CDC20: variants seen among roughly 807,000 people sequenced by gnomAD.
CDC20 encodes the protein cell division cycle 20.
Under a neutral mutation model 60.0 loss-of-function variants are expected in CDC20, and 34 were observed. That is an observed-to-expected ratio of 0.57 (90% CI 0.43 to 0.75). The LOEUF is 0.75. CDC20 is among the 30% of genes least tolerant of loss of function. CDC20 has a pLI of 0.00. For missense variants in CDC20, 469 were observed against 647.3 expected, an observed-to-expected ratio of 0.72 and a Z score of 2.99; for synonymous variants, 198 against 243.5, an observed-to-expected ratio of 0.81 and a Z score of 1.74.
chr1:43,360,961 G>T lies in CDC20; in HGVS notation c.1077G>T (p.Lys359Asn). 1 of 1,612,628 alleles carries T rather than the reference G, an allele frequency of 6.2e-7. No individual in the cohort carries two copies. Among genetic ancestry groups the T allele is most frequent in the Non-Finnish European group, 8.5e-7 (1 of 1,178,750 alleles). ...QTFTQHQGAV[K>N]AVAWCPWQSN... ...TCACCCAGCATCAAGGGGCTGTCAA[G>T]GTGAGTAGGGTTGGGCTGAAGCCTC... Residue 359 changes from lysine (K) to asparagine (N), a missense_variant and splice_region_variant, in exon 8 of 11, where the codon AAG becomes AAT. Lys to Asn is a moderately conservative substitution (Grantham distance 94). Transcript: ENST00000310955.
In CDC20 at chr1:43,361,123, G is replaced by C. The variant is rs1801456; in HGVS notation, c.1081G>C (p.Val361Leu). The part of the protein sequence containing the change: ...FTQHQGAVKA[V>L]AWCPWQSNVL... ...ACCCCACCTTTATTCCATCTAGGCCGTAGCATGGTGTCCCTGGCAGTCCAA... is the reference window on the plus strand; with the variant it reads ...ACCCCACCTTTATTCCATCTAGGCCCTAGCATGGTGTCCCTGGCAGTCCAA... The change falls in exon 9 of 11, where the codon GTA becomes CTA. Residue 361 changes from valine (V) to leucine (L), a missense_variant. Val to Leu is a conservative substitution (Grantham distance 32). Around this residue, in one of 5 missense-constraint regions of CDC20, gnomAD observed 255 missense variants for 326.7 expected, o/e 0.78. Coordinates refer to ENST00000310955, the MANE Select transcript of CDC20 (RefSeq NM_001255.3). 3 of 1,613,906 alleles carry C rather than the reference G, an allele frequency of 1.9e-6. No individual in the cohort carries two copies. The highest frequency in any genetic ancestry group is 4.5e-5 in the East Asian group (2 of 44,886).
chr1:43,359,105 G>A, intron 1 of CDC20, 62 bp from the exon 2 acceptor site: 1 of 1,156,984 alleles, frequency 8.6e-7, no homozygotes, highest in Non-Finnish European at 1.3e-6. Flanking sequence ...TGATTTTGTG[G>A]CCGGCCAGGA....
At position 43,358,995 on chromosome 1, in the gene CDC20, C is replaced by A. The variant is rs984940124; in HGVS notation, c.-61C>A. ...CGTGTTAAAGCCGGTCGGAACTGCT[C>A]CGGAGGGCACGGTGAGAGGTGGTGG... On this transcript the variant is annotated 5_prime_UTR_variant, in exon 1 of 11. Transcript: ENST00000310955. The A allele has an allele frequency of 1.8e-5, 11 of 603,936 alleles. No individual in the cohort carries two copies. The African/African-American group carries it at 2.0e-4, about 11-fold the overall frequency. 37.4% of individuals were successfully genotyped at this position (603,936 alleles called of 1,614,324 possible). A position where few individuals can be genotyped will look rare whatever the true frequency, so the allele number is the denominator to read the frequency against.
In CDC20 at chr1:43,361,145, C is replaced by G; in HGVS notation, c.1103C>G (p.Ser368Cys). The change falls in exon 9 of 11, where the codon TCC (serine) becomes TGC (cysteine). Residue 368 changes from serine to cysteine, a missense_variant. Coordinates refer to ENST00000310955, the MANE Select transcript of CDC20 (RefSeq NM_001255.3). ...VKAVAWCPWQ[S>C]NVLATGGGTS... ...GCCGTAGCATGGTGTCCCTGGCAGTCCAATGTCCTGGCAACAGGAGGGGGC... is the reference window on the plus strand; with the variant it reads ...GCCGTAGCATGGTGTCCCTGGCAGTGCAATGTCCTGGCAACAGGAGGGGGC... 2.5e-6 allele frequency: 4 copies of G among 1,614,098 alleles called. No individual in the cohort carries two copies. Among genetic ancestry groups the G allele is most frequent in the Non-Finnish European group, 3.4e-6 (4 of 1,179,992 alleles).
Sources: gnomAD v4.1 joint callset for allele counts on GRCh38, gnomAD v4.1.1 for gene constraint, gnomAD v4.1.1 regional missense constraint, MANE v1.5 for transcripts, NCBI Gene and HGNC (gene_info 2026-07-23, HGNC 2026-07-21) for gene names.